Variants in USP32 observed in about 807,000 individuals in gnomAD.
USP32 encodes the protein ubiquitin specific peptidase 32.
Under a neutral mutation model 204.8 loss-of-function variants are expected in USP32, and 59 were observed. The observed-to-expected ratio is 0.29, with a 90% CI of 0.23 to 0.36. The LOEUF (loss-of-function observed/expected upper bound fraction) is 0.36. USP32 is among the 10% of genes least tolerant of loss of function. The pLI is 1.00. For missense variants in USP32, 1,160 were observed against 1,946.4 expected (o/e 0.60, Z 7.60); for synonymous variants, 517 against 678.4 (o/e 0.76, Z 3.70).
intron 33 of USP32, among the ~76,000 whole-genome samples, chr17:60,179,865 T>A (rs571199537): frequency 2.6e-5 from 4 of 151,288 alleles, no homozygotes; most frequent in South Asian, 4.2e-4. Flanking sequence ...AAAGGCGGGG[T>A]TTCACCATAT....
At chr17:60,291,527 C>CTGTG (rs926146064) in intron 4 of USP32, among the ~76,000 whole-genome samples, 35 of 140,824 alleles carry the variant, frequency 2.5e-4, no homozygotes, top group African/African-American at 8.5e-4. Context: ...GCTTCTCTCT[C>CTGTG]TGTGTGTGTA....
chr17:60,231,592 C>T (rs1462949785), intron 12 of USP32: 1 of 518,342 alleles, frequency 1.9e-6, no homozygotes, highest in East Asian at 5.5e-5. Context: ...TGCTCTTGGC[C>T]TCCAGCCTTG....
intron 29 of USP32, among the ~76,000 whole-genome samples, chr17:60,188,674 T>C (rs895678965): frequency 6.6e-6 from 1 of 152,248 alleles, no homozygotes; most frequent in African/African-American, 2.4e-5. Flanking sequence ...AATGCTATGA[T>C]GATATTTGCC....
chr17:60,241,603 C>G (rs2085881343), intron 11 of USP32, among the ~76,000 whole-genome samples: 1 of 152,174 alleles, frequency 6.6e-6, no homozygotes, highest in Non-Finnish European at 1.5e-5. Context: ...CACTGAGTCA[C>G]TCCTCTCATT....
intron 18 of USP32, 95 bp downstream of exon 18, chr17:60,213,486 A>G: frequency 1.7e-6 from 1 of 580,212 alleles, no homozygotes; most frequent in Non-Finnish European, 3.0e-6. Context: ...ATCAAATAAT[A>G]GTTGTTTTGG....
intron 16 of USP32, 125 bp from the exon 17 acceptor site, chr17:60,214,899 T>C: frequency 6.7e-7 from 1 of 1,500,888 alleles, no homozygotes; most frequent in Non-Finnish European, 8.9e-7. Flanking sequence ...GTGTAATAAT[T>C]TTATAAATGA....
At position 60,288,682 on chromosome 17, in the gene USP32, C is replaced by A; in HGVS notation, c.412G>T (p.Gly138Cys). Residue 138 changes from glycine to cysteine, a missense_variant and splice_region_variant, in exon 5 of 34, where the codon GGT becomes TGT. Gly to Cys is a radical substitution (Grantham distance 159). Transcript: ENST00000300896. Reference sequence around the variant, plus strand: ...AACTTTTCATAGTTTACCTTTTCACCCTAAAATTAAAACAAGAAAACATAA... The same window carrying A: ...AACTTTTCATAGTTTACCTTTTCACACTAAAATTAAAACAAGAAAACATAA... The part of the protein sequence containing the change: ...PDTLRKCFSE[G>C]EKVNYEKFRN... 6.3e-7 allele frequency: 1 copy of A among 1,594,364 alleles called. No individual in the cohort carries two copies. The highest frequency in any genetic ancestry group is 8.5e-7 in the Non-Finnish European group (1 of 1,173,860).
intron 30 of USP32, 80 bp downstream of exon 30, chr17:60,185,380 T>C (rs1757384247): frequency 1.4e-6 from 2 of 1,463,976 alleles, no homozygotes; most frequent in South Asian, 1.5e-5. Flanking sequence ...TTCTCAAAAA[T>C]AACAAAACCT....
Position 60,345,581 on chromosome 17 carries a change from T to C in USP32, c.86A>G (p.Lys29Arg). ...RVTDVELKRL[K>R]DAFKRTCGLS... ...TCCACAGGTCCTCTTGAAAGCATCC[T>C]TCAGTCGTTTTAGCTCTACATCTGT... The change falls in exon 2 of 34, where the codon AAG becomes AGG. Residue 29 changes from lysine to arginine, a missense_variant. Lys to Arg is a conservative substitution (Grantham distance 26). Around this residue, in one of 8 missense-constraint regions of USP32, gnomAD observed 536 missense variants for 680.9 expected, o/e 0.79. Coordinates refer to ENST00000300896, the MANE Select transcript of USP32 (RefSeq NM_032582.4). The C allele has an allele frequency of 6.2e-7, 1 of 1,614,186 alleles. No individual in the cohort carries two copies. The highest frequency in any genetic ancestry group is 1.1e-5 in the South Asian group (1 of 91,092).
chr17:60,329,209 A>C (rs563094358), intron 2 of USP32, among the ~76,000 whole-genome samples: 80 of 152,226 alleles, frequency 5.3e-4, no homozygotes, highest in South Asian at 1.0e-3. Context: ...CCAGAAAAAA[A>C]CAAAAAGATG....
intron 25 of USP32, among the ~76,000 whole-genome samples, chr17:60,206,446 T>C (rs2084828188): frequency 6.7e-6 from 1 of 149,290 alleles, no homozygotes. Flanking sequence ...CACAGAAGTT[T>C]CCACCACTGC....
intron 16 of USP32, among the ~76,000 whole-genome samples, chr17:60,218,610 A>G (rs931917896): frequency 4.6e-5 from 7 of 151,778 alleles, no homozygotes; most frequent in African/African-American, 1.7e-4. Context: ...ATGATTATTA[A>G]TATTATTTTT....
At chr17:60,365,982 G>A (rs2089303736) in intron 1 of USP32, among the ~76,000 whole-genome samples, 1 of 151,954 alleles carries the variant, frequency 6.6e-6, no homozygotes, top group South Asian at 2.1e-4. Flanking sequence ...TCTTGTTGTT[G>A]TTGTTGTTTT....
chr17:60,195,710 G>A (rs1447803971), intron 27 of USP32, among the ~76,000 whole-genome samples: 2 of 152,136 alleles, frequency 1.3e-5, no homozygotes, highest in African/African-American at 4.8e-5. Context: ...TCAGTTCAGA[G>A]TTCATGTATA....
At chr17:60,411,117 T>C (rs1826426921) in intron 1 of USP32, among the ~76,000 whole-genome samples, 1 of 151,842 alleles carries the variant, frequency 6.6e-6, no homozygotes, top group South Asian at 2.1e-4. Flanking sequence ...TCACCTGAGG[T>C]TGGGAGTTCA....
At position 60,331,462 on chromosome 17, in the gene USP32, G is replaced by A. The variant is rs865857274; in HGVS notation, c.186+14019C>T. ...CACTTGTAGTCCCAGCTTCTCAGGA[G>A]GCTGAGGCTGGAGGATCACTTGAGC... On this transcript the variant is annotated intron_variant, in intron 2 of 33. Transcript: ENST00000300896. Among the ~76,000 whole-genome samples, 3 of 151,672 alleles carry A rather than the reference G, an allele frequency of 2.0e-5. No homozygotes were observed. In the South Asian group the frequency reaches 6.3e-4, roughly 32 times the overall value.
chr17:60,271,399 C>T lies in USP32; in HGVS notation c.654G>A (p.Glu218=). The change falls in exon 6 of 34, where the codon GAG becomes GAA. Residue 218 remains glutamate (E), a synonymous_variant. Transcript: ENST00000300896. The part of the protein sequence containing the change: ...AQSRTGRFDL[E]TFGPLVSPPI... ...GTGGTGAAACCAATGGGCCAAATGTCTCTAAATCAAATCGTCCAGTCCGGG... is the reference window on the plus strand; with the variant it reads ...GTGGTGAAACCAATGGGCCAAATGTTTCTAAATCAAATCGTCCAGTCCGGG... 6.2e-7 allele frequency: 1 copy of T among 1,614,106 alleles called. No homozygotes were observed. Among genetic ancestry groups the T allele is most frequent in the Non-Finnish European group, 8.5e-7 (1 of 1,180,004 alleles).
chr17:60,247,660 CTTGT>C (rs527390709), intron 11 of USP32, among the ~76,000 whole-genome samples: 212 of 150,816 alleles, frequency 1.4e-3, no homozygotes, highest in Middle Eastern at 3.4e-3. Flanking sequence ...GGGGGTTTTG[CTTGT>C]TTGTTTGTTT....
chr17:60,283,223 A>G (rs1598191348), intron 5 of USP32, among the ~76,000 whole-genome samples: 1 of 152,352 alleles, frequency 6.6e-6, no homozygotes, highest in Middle Eastern at 3.4e-3. Flanking sequence ...GCTATAATAT[A>G]AAAGTTCATG....
Sources: gnomAD v4.1 joint callset for allele counts (sites outside exome capture counted in the v4.1 genomes callset) on GRCh38, gnomAD v4.1.1 for gene constraint, gnomAD v4.1.1 regional missense constraint, MANE v1.5 for transcripts, NCBI Gene and HGNC (gene_info 2026-07-23, HGNC 2026-07-21) for gene names.